The following MZF1 variants were observed in gnomAD, a reference collection of about 807,000 sequenced individuals.
MZF1 encodes zinc finger and SCAN domain-containing protein 6.
A neutral mutation model predicts 28.6 loss-of-function variants in MZF1; 24 were observed. The observed-to-expected ratio is 0.84, with a 90% confidence interval of 0.61 to 1.18. The LOEUF (loss-of-function observed/expected upper bound fraction) is 1.18. Ranked by LOEUF, MZF1 falls within the 50% of genes most tolerant of loss-of-function variation. The pLI is 0.00. For missense variants in MZF1, 1,166 were observed against 1,026.4 expected (o/e 1.14, Z -1.86); for synonymous variants, 516 against 432.5 (o/e 1.19, Z -2.40).
intron 1 of MZF1, among the ~76,000 whole-genome samples, chr19:58,572,314 C>G (rs1225643712): frequency 2.0e-5 from 3 of 152,130 alleles, no homozygotes; most frequent in African/African-American, 7.2e-5. Context: ...CCCTCTCTCC[C>G]TACTCAGCCC....
intron 5 of MZF1, chr19:58,563,792 G>A: frequency 3.1e-6 from 1 of 325,358 alleles, no homozygotes. Flanking sequence ...GCAAGCGTGG[G>A]GGCATTGTCT....
intron 2 of MZF1, 134 bp from the exon 3 acceptor site, chr19:58,570,661 A>C: frequency 1.0e-6 from 1 of 956,496 alleles, no homozygotes; most frequent in Non-Finnish European, 1.5e-6. Context: ...AGGTCCTCCA[A>C]GGACCTACCT....
rs1277870626 is a variant in MZF1, at chr19:58,562,308, CG to C, written c.1968del (p.Glu657SerfsTer105). The C allele has an allele frequency of 6.2e-7, 1 of 1,609,404 alleles. No homozygotes were observed. The highest frequency in any genetic ancestry group is 8.5e-7 in the Non-Finnish European group (1 of 1,178,870). ...TGCTGCCGAAAGCTCTGGCCGCACT[CG>C]GGGCAGGCGAAGGGCCGTTCGCCCG... is the stretch of plus-strand genomic sequence containing the variant. ...IHTGERPFACPECGQSFRQHA... is the reference protein window; with the variant it reads ...IHTGERPFACXECGQSFRQHA... On this transcript the variant is annotated frameshift_variant, in exon 6 of 6. Coordinates refer to ENST00000215057, the MANE Select transcript of MZF1 (RefSeq NM_198055.2). LOFTEE classifies it low-confidence loss of function (END_TRUNC).
chr19:58,562,677 C>A lies in MZF1; in HGVS notation c.1600G>T (p.Val534Leu). 6.5e-7 allele frequency: 1 copy of A among 1,538,852 alleles called. No homozygotes were observed. The change falls in exon 6 of 6, where the codon GTG becomes TTG. Residue 534 changes from valine to leucine, a missense_variant. Transcript: ENST00000215057. ...RRSVLLQHRR[V>L]HSGERPFACA... Reference sequence around the variant, plus strand: ...GCGAAGGGCCGCTCGCCACTGTGCACGCGCCGGTGCTGCAGCAGCACTGAG... The same window carrying A: ...GCGAAGGGCCGCTCGCCACTGTGCAAGCGCCGGTGCTGCAGCAGCACTGAG...
chr19:58,563,776 T>G, intron 5 of MZF1: 1 of 379,194 alleles, frequency 2.6e-6, no homozygotes. Context: ...TTGGAAGGGC[T>G]GTAGGGCAAG....
At chr19:58,563,675 G>A in intron 5 of MZF1, 171 bp from the exon 6 acceptor site, 1 of 573,798 alleles carries the variant, frequency 1.7e-6, no homozygotes, top group Non-Finnish European at 3.0e-6. Flanking sequence ...TCCCTGATGA[G>A]GTGATAATGA....
chr19:58,564,547 C>T (rs2054001851), intron 5 of MZF1: 1 of 152,212 alleles, frequency 6.6e-6, no homozygotes, highest in African/African-American at 2.4e-5. Context: ...AAAAATGCAC[C>T]TTAGGGCTGA....
chr19:58,570,844 C>T lies in MZF1; in HGVS notation c.396+150G>A. On this transcript the variant is annotated intron_variant, in intron 2 of 5. Transcript: ENST00000215057. ...AGTCTGGCCCTGGAATCCCTCTGCC[C>T]TGGGCAGCCTTGCACAGGGTCTCTG... The T allele has an allele frequency of 3.5e-6, 3 of 853,110 alleles. No homozygotes were observed. The East Asian group carries it at 7.9e-5, about 23-fold the overall frequency. The allele number at this position is 853,110 out of a possible 1,614,324, so 52.8% of individuals were successfully genotyped here. A position where few individuals can be genotyped will look rare whatever the true frequency, so the allele number is the denominator to read the frequency against.
rs1354446373 is a variant in MZF1 at position 58,569,125 on chromosome 19, G to A, written c.772+152C>T. 6.8e-6 allele frequency: 7 copies of A among 1,027,972 alleles called. No individual in the cohort carries two copies. In the South Asian group the frequency reaches 1.0e-4, roughly 15 times the overall value. 63.7% of individuals were successfully genotyped at this position (1,027,972 alleles called of 1,614,324 possible). A position where few individuals can be genotyped will look rare whatever the true frequency, so the allele number is the denominator to read the frequency against. On this transcript the variant is annotated intron_variant, in intron 5 of 5. Coordinates refer to ENST00000215057, the MANE Select transcript of MZF1 (RefSeq NM_198055.2). ...TTTTTGAGGGCAGAAGATGCTAGAG[G>A]AGGTTGAACCTTATAGGGGATGATC...
In MZF1 at chr19:58,562,353, C is replaced by A; in HGVS notation, c.1924G>T (p.Glu642Ter). The A allele has an allele frequency of 6.3e-7, 1 of 1,580,884 alleles. No homozygotes were observed. Among genetic ancestry groups the A allele is most frequent in the East Asian group, 2.4e-5 (1 of 42,318 alleles). The part of the protein sequence containing the change: ...LGFTQVSRLT[E>*]HQRIHTGERP... ...TCGCCCGTGTGGATGCGCTGGTGCTCGGTGAGCCGCGAGACCTGCGTGAAG... is the reference window on the plus strand; with the variant it reads ...TCGCCCGTGTGGATGCGCTGGTGCTAGGTGAGCCGCGAGACCTGCGTGAAG... The change falls in exon 6 of 6, where the codon GAG (glutamate) becomes TAG (stop). Residue 642 changes from glutamate to a stop codon, truncating the protein, a stop_gained. Coordinates refer to ENST00000215057, the MANE Select transcript of MZF1 (RefSeq NM_198055.2). LOFTEE classifies it low-confidence loss of function (END_TRUNC).
chr19:58,566,200 A>C (rs1201013030), intron 5 of MZF1, among the ~76,000 whole-genome samples: 2 of 151,150 alleles, frequency 1.3e-5, no homozygotes, highest in African/African-American at 4.9e-5. Flanking sequence ...TGATCCCGGC[A>C]CTTTGGCAGG....
chr19:58,569,084 T>G, intron 5 of MZF1, 193 bp downstream of exon 5: 2 of 606,566 alleles, frequency 3.3e-6, no homozygotes, highest in Non-Finnish European at 5.4e-6. Flanking sequence ...GGATCAGTGG[T>G]AGTGGTGGGT....
rs932864324 is a variant in MZF1 at position 58,562,081 on chromosome 19, G to T, written c.2196C>A (p.Ser732Arg). ...TKLIQHQRVHSAE is the reference protein window; with the variant it reads ...TKLIQHQRVHRAE The stretch of plus-strand genomic sequence containing the variant: ...TGCGTCCCGGCTGGAGCTACTCGGC[G>T]CTGTGGACGCGCTGGTGCTGAATGA... The change falls in exon 6 of 6, where the codon AGC becomes AGA. Residue 732 changes from serine to arginine, a missense_variant. Physicochemically the swap from Ser to Arg is moderately radical, Grantham distance 110. Transcript: ENST00000215057. The T allele has an allele frequency of 7.0e-6, 11 of 1,560,890 alleles. No homozygotes were observed. The highest frequency in any genetic ancestry group is 8.7e-6 in the Non-Finnish European group (10 of 1,154,544).
chr19:58,572,382 C>T (rs1043551831), intron 1 of MZF1, among the ~76,000 whole-genome samples: 1 of 151,308 alleles, frequency 6.6e-6, no homozygotes, highest in African/African-American at 2.4e-5. Flanking sequence ...CCTGATTTAG[C>T]TGGGGTTGGA....
chr19:58,563,644 G>A, intron 5 of MZF1, 140 bp from the exon 6 acceptor site: 1 of 657,052 alleles, frequency 1.5e-6, no homozygotes. Context: ...TGCAGGGGTA[G>A]GGATTCTATC....
intron 3 of MZF1, 78 bp from the exon 4 acceptor site, chr19:58,569,664 G>A: frequency 7.9e-7 from 1 of 1,258,926 alleles, no homozygotes; most frequent in Non-Finnish European, 1.1e-6. Flanking sequence ...GCCAGGTGCT[G>A]GGATGCAGAG....
At chr19:58,570,062 C>T (rs1293824320) in intron 3 of MZF1, 3 of 382,484 alleles carry the variant, frequency 7.8e-6, no homozygotes, top group Admixed American at 4.2e-5. Flanking sequence ...GGGGACTGAA[C>T]ACCACATGCC....
chr19:58,562,315 G>A lies in MZF1; in HGVS notation c.1962C>T (p.Ala654=). ...GAAAGCTCTGGCCGCACTCGGGGCA[G>A]GCGAAGGGCCGTTCGCCCGTGTGGA... ...QRIHTGERPF[A]CPECGQSFRQ... Residue 654 remains alanine, a synonymous_variant, in exon 6 of 6, where the codon GCC becomes GCT. Transcript: ENST00000215057. 6.2e-7 allele frequency: 1 copy of A among 1,609,668 alleles called. No homozygotes were observed. Among genetic ancestry groups the A allele is most frequent in the Non-Finnish European group, 8.5e-7 (1 of 1,178,842 alleles).
chr19:58,562,591 G>C lies in MZF1; in HGVS notation c.1686C>G (p.Ile562Met). Residue 562 changes from isoleucine to methionine, a missense_variant, in exon 6 of 6, where the codon ATC becomes ATG. By Grantham distance (10) the Ile-to-Met change is conservative. Transcript: ENST00000215057. ...QRSNLTQHRR[I>M]HTGERPFACA... ...AGGCGAAGGGCCGCTCCCCGGTGTG[G>C]ATGCGCCGGTGCTGCGTCAGGTTGG... 1 of 1,586,828 alleles carries C rather than the reference G, an allele frequency of 6.3e-7. No individual in the cohort carries two copies. The highest frequency in any genetic ancestry group is 1.1e-5 in the South Asian group (1 of 88,618).
Sources: allele counts gnomAD v4.1 joint callset (sites outside exome capture counted in the v4.1 genomes callset), GRCh38; gene constraint gnomAD v4.1.1; transcripts MANE v1.5; gene names NCBI Gene and HGNC (gene_info 2026-07-23, HGNC 2026-07-21).